Variants in SOX5 observed in about 807,000 individuals in gnomAD.
SOX5 encodes transcription factor SOX-5.
Under a neutral mutation model 92.0 loss-of-function variants are expected in SOX5, and 9 were observed. That is an observed-to-expected ratio of 0.10 (90% CI 0.06 to 0.17). SOX5 has a LOEUF of 0.17. Ranked by LOEUF, SOX5 falls within the 10% of genes least tolerant of loss-of-function variation. The probability of loss-of-function intolerance (pLI) is 1.00; values close to 1 mark genes in which losing one functional copy is unlikely to be tolerated. For synonymous variants in SOX5, 344 were observed against 336.3 expected (o/e 1.02, Z -0.25); for missense variants, 642 against 944.5 (o/e 0.68, Z 4.20).
intron 1 of SOX5, among the ~76,000 whole-genome samples, chr12:24,395,879 A>G (rs986150888): frequency 6.0e-4 from 92 of 152,300 alleles, no homozygotes; most frequent in Non-Finnish European, 1.3e-3. Context: ...CAAGGGTCAC[A>G]TCTTCTCTCC....
intron 8 of SOX5, among the ~76,000 whole-genome samples, chr12:23,618,748 G>A (rs1209489993): frequency 6.6e-6 from 1 of 152,178 alleles, no homozygotes; most frequent in African/African-American, 2.4e-5. Context: ...GGTAGTATCA[G>A]AAGTCCAAGT....
At chr12:24,361,852 C>T (rs1309079665) in intron 2 of SOX5, among the ~76,000 whole-genome samples, 1 of 152,202 alleles carries the variant, frequency 6.6e-6, no homozygotes, top group African/African-American at 2.4e-5. Flanking sequence ...TCAGTTCAGG[C>T]TTACCTGAGT....
intron 3 of SOX5, among the ~76,000 whole-genome samples, chr12:24,231,730 T>A (rs1963449173): frequency 6.6e-6 from 1 of 152,242 alleles, no homozygotes; most frequent in Non-Finnish European, 1.5e-5. Context: ...CCCACAGTTA[T>A]ATTCCTTCCA....
At chr12:23,910,334 A>G (rs1025305147) in intron 1 of SOX5, among the ~76,000 whole-genome samples, 3 of 152,202 alleles carry the variant, frequency 2.0e-5, no homozygotes, top group Admixed American at 1.3e-4. Context: ...GTAAGATATG[A>G]TTCTGAAATT....
At chr12:24,055,849 T>C (rs567511045) in intron 4 of SOX5, among the ~76,000 whole-genome samples, 7 of 152,310 alleles carry the variant, frequency 4.6e-5, no homozygotes, top group Middle Eastern at 3.4e-3. Flanking sequence ...GGTAAAACCA[T>C]CTTAGTAAAT....
chr12:24,317,309 G>T (rs1037783200), intron 2 of SOX5, among the ~76,000 whole-genome samples: 6 of 152,138 alleles, frequency 3.9e-5, no homozygotes, highest in Non-Finnish European at 8.8e-5. Context: ...GCAATTTTTT[G>T]AACATAACAA....
At chr12:24,329,432 G>A (rs1003513436) in intron 2 of SOX5, among the ~76,000 whole-genome samples, 2 of 152,252 alleles carry the variant, frequency 1.3e-5, no homozygotes, top group East Asian at 1.9e-4. Context: ...ACAATCATGA[G>A]AACAACATGG....
At chr12:23,765,009 C>T (rs10771026) in intron 3 of SOX5, among the ~76,000 whole-genome samples, 142,598 of 152,138 alleles carry the variant, frequency 0.94, 67,180 homozygotes, top group Non-Finnish European at 0.99. Flanking sequence ...TGCAGGTAGT[C>T]GACTAGTTGA....
intron 6 of SOX5, among the ~76,000 whole-genome samples, chr12:23,722,462 G>A (rs373252898): frequency 5.0e-4 from 76 of 152,216 alleles, no homozygotes; most frequent in African/African-American, 1.8e-3. Context: ...TTTGGTCAAA[G>A]CTAGCTGTTC....
chr12:24,070,009 C>G (rs1301632847), intron 4 of SOX5, among the ~76,000 whole-genome samples: 1 of 152,150 alleles, frequency 6.6e-6, no homozygotes, highest in Non-Finnish European at 1.5e-5. Context: ...CCAGTTAAAT[C>G]TGTCAACAAC....
intron 1 of SOX5, among the ~76,000 whole-genome samples, chr12:24,394,998 T>C (rs1366686883): frequency 6.6e-6 from 1 of 152,218 alleles, no homozygotes; most frequent in Non-Finnish European, 1.5e-5. Context: ...ATCTCAAAGA[T>C]TCTCAATAAA....
intron 14 of SOX5, among the ~76,000 whole-genome samples, chr12:23,535,435 C>A (rs557470071): frequency 6.6e-6 from 1 of 152,176 alleles, no homozygotes; most frequent in African/African-American, 2.4e-5. Context: ...AGTTGTGCTG[C>A]CACAGACTTG....
rs541468953 is a variant in SOX5, at chr12:24,150,491, T to C, written c.-2+62852A>G. Among the ~76,000 whole-genome samples, 17 of 152,230 alleles carry C rather than the reference T, an allele frequency of 1.1e-4. No homozygotes were observed. In the South Asian group the frequency reaches 2.1e-3, roughly 19 times the overall value. On this transcript the variant is annotated intron_variant, in intron 4 of 4. Transcript: ENST00000446891. ...TTATGGACGGAAGATAAAAATTTGG[T>C]GACCACGAGCATTTCAGTAGCAGTC...
At chr12:23,856,939 C>A (rs891074419) in intron 2 of SOX5, among the ~76,000 whole-genome samples, 1 of 152,078 alleles carries the variant, frequency 6.6e-6, no homozygotes, top group Non-Finnish European at 1.5e-5. Context: ...TGATTATTCA[C>A]ACACACACTA....
chr12:24,263,472 G>A (rs7960512), intron 3 of SOX5, among the ~76,000 whole-genome samples: 2,999 of 129,836 alleles, frequency 0.023, 90 homozygotes, highest in African/African-American at 0.074. Flanking sequence ...AGCTTGCAGC[G>A]AACCGAGGCC....
intron 1 of SOX5, among the ~76,000 whole-genome samples, chr12:24,412,079 T>C (rs1485288124): frequency 1.3e-5 from 2 of 152,114 alleles, no homozygotes; most frequent in African/African-American, 4.8e-5. Context: ...AGTAGTCCCA[T>C]ATTATCCTTT....
At chr12:23,949,768 C>CTG, upstream of SOX5, 1 of 97,552 alleles carries the variant, frequency 1.0e-5, no homozygotes, top group Non-Finnish European at 1.7e-5. Flanking sequence ...CTCTCTCTGT[C>CTG]TCTCTCTCTC....
chr12:24,307,141 T>G (rs112968355), intron 2 of SOX5, among the ~76,000 whole-genome samples: 2 of 152,154 alleles, frequency 1.3e-5, no homozygotes, highest in African/African-American at 2.4e-5. Context: ...ACAGGAGAAC[T>G]TAACTAACAT....
At chr12:23,830,044 A>G (rs901471153) in intron 3 of SOX5, among the ~76,000 whole-genome samples, 5 of 152,190 alleles carry the variant, frequency 3.3e-5, no homozygotes, top group Non-Finnish European at 5.9e-5. Context: ...ATAATTTCCT[A>G]TAACACTAAT....
Sources: gnomAD v4.1 joint callset for allele counts (sites outside exome capture counted in the v4.1 genomes callset) on GRCh38, gnomAD v4.1.1 for gene constraint, MANE v1.5 for transcripts, NCBI Gene and HGNC (gene_info 2026-07-23, HGNC 2026-07-21) for gene names.